Variants in VRK3 observed in about 807,000 individuals in gnomAD.
VRK3 encodes VRK serine/threonine kinase 3.
A neutral mutation model predicts 60.4 loss-of-function variants in VRK3; 50 were observed. That is an observed-to-expected ratio of 0.83 (90% CI 0.66 to 1.05). The LOEUF is 1.05. VRK3 is among the 50% of genes least tolerant of loss of function. The probability of loss-of-function intolerance (pLI) is 0.00; values close to 1 mark genes in which losing one functional copy is unlikely to be tolerated. For missense variants in VRK3, 549 were observed against 585.3 expected, an observed-to-expected ratio of 0.94 and a Z score of 0.64; for synonymous variants, 246 against 227.8, an observed-to-expected ratio of 1.08 and a Z score of -0.72.
At position 49,988,488 on chromosome 19, in the gene VRK3, G is replaced by T. The variant is rs556737676; in HGVS notation, c.1101C>A (p.Pro367=). Residue 367 remains proline, a synonymous_variant, in exon 12 of 15, where the codon CCC becomes CCA. Transcript: ENST00000316763. ...ISMDLHKGCG[P]SRRSDLQSLG... The stretch of plus-strand genomic sequence containing the variant: ...GGCTCTGGAGGTCGCTGCGGCGGGA[G>T]GGCCCTGGGGAAGGAGGAGTAAAGG... The T allele has an allele frequency of 6.2e-7, 1 of 1,612,750 alleles. No homozygotes were observed.
intron 12 of VRK3, chr19:49,981,886 C>A: frequency 5.3e-6 from 6 of 1,121,542 alleles, no homozygotes; most frequent in Non-Finnish European, 7.0e-6. Context: ...GAGATTTTAA[C>A]TGGTAGGTTC....
chr19:49,988,411 C>T lies in VRK3; in HGVS notation c.1178G>A (p.Cys393Tyr), dbSNP rs548570834. 2.5e-5 allele frequency: 40 copies of T among 1,613,538 alleles called. No individual in the cohort carries two copies. The South Asian group carries it at 4.2e-4, about 17-fold the overall frequency. ...WLYGFLPWTN[C>Y]LPNTEDIMKQ... ...CATGATGTCCTCAGTGTTGGGAAGG[C>T]AATTTGTCCATGGCAGAAACCCGTA... Residue 393 changes from cysteine to tyrosine, a missense_variant, in exon 12 of 15, where the codon TGC becomes TAC. Physicochemically the swap from Cys to Tyr is radical, Grantham distance 194. Coordinates refer to ENST00000316763, the MANE Select transcript of VRK3 (RefSeq NM_016440.4).
At chr19:50,020,135 G>A (rs2077149178) in intron 2 of VRK3, among the ~76,000 whole-genome samples, 1 of 151,788 alleles carries the variant, frequency 6.6e-6, no homozygotes, top group Non-Finnish European at 1.5e-5. Flanking sequence ...CTGCCTCCCA[G>A]GTTCAAGCAA....
At position 49,995,074 on chromosome 19, in the gene VRK3, G is replaced by A. The variant is rs887937206; in HGVS notation, c.764+117C>T. ...GGGCAGCAAACTAGGTCAAAACTAC[G>A]AGAAGGCAGGAAGCAAAGACCTGGC... On this transcript the variant is annotated intron_variant, in intron 8 of 14. Transcript: ENST00000316763. 9 of 1,302,220 alleles carry A rather than the reference G, an allele frequency of 6.9e-6. No homozygotes were observed. The African/African-American group carries it at 8.8e-5, about 13-fold the overall frequency. The allele number at this position is 1,302,220 out of a possible 1,614,324, so 80.7% of individuals were successfully genotyped here. A position where few individuals can be genotyped will look rare whatever the true frequency, so the allele number is the denominator to read the frequency against.
chr19:49,979,064 C>T lies in VRK3; in HGVS notation c.*11+19G>A, dbSNP rs747890406. 4 of 1,580,266 alleles carry T rather than the reference C, an allele frequency of 2.5e-6. No individual in the cohort carries two copies. Among genetic ancestry groups the T allele is most frequent in the Non-Finnish European group, 3.4e-6 (4 of 1,161,248 alleles). The stretch of plus-strand genomic sequence containing the variant: ...GAGGGCAAGGGGTGAGAGGCTTAAG[C>T]CTCACAAGCTCTTCCCACCTGGATT... On this transcript the variant is annotated intron_variant, in intron 14 of 14. Coordinates refer to ENST00000316763, the MANE Select transcript of VRK3 (RefSeq NM_016440.4).
chr19:50,023,701 T>TG (rs1224038800), intron 1 of VRK3, among the ~76,000 whole-genome samples: 1 of 151,290 alleles, frequency 6.6e-6, no homozygotes, highest in Non-Finnish European at 1.5e-5. Flanking sequence ...AATAAATCAT[T>TG]GTCTCCTTTG....
intron 5 of VRK3, among the ~76,000 whole-genome samples, chr19:50,002,102 A>T (rs957911076): frequency 6.6e-6 from 1 of 152,028 alleles, no homozygotes; most frequent in African/African-American, 2.4e-5. Flanking sequence ...GCTAATCCCA[A>T]AGCCCATGAG....
chr19:50,005,610 G>A (rs908183285), intron 5 of VRK3, among the ~76,000 whole-genome samples: 2 of 149,802 alleles, frequency 1.3e-5, no homozygotes, highest in African/African-American at 5.1e-5. Context: ...AGCCCAAAGC[G>A]GAAACTACCC....
chr19:49,998,028 G>A (rs1002608978), intron 6 of VRK3: 1 of 153,162 alleles, frequency 6.5e-6, no homozygotes, highest in African/African-American at 2.4e-5. Context: ...CGGCCCAGGA[G>A]ATGCAGGTTA....
intron 3 of VRK3, among the ~76,000 whole-genome samples, chr19:50,014,882 G>C (rs749159507): frequency 8.5e-5 from 13 of 152,202 alleles, no homozygotes; most frequent in Non-Finnish European, 1.2e-4. Flanking sequence ...CGACTACAGG[G>C]ACAAGAGAGG....
intron 1 of VRK3, among the ~76,000 whole-genome samples, chr19:50,023,240 C>CAATG (rs1421566407): frequency 6.6e-6 from 1 of 152,202 alleles, no homozygotes; most frequent in Non-Finnish European, 1.5e-5. Flanking sequence ...GGCTGGAGTG[C>CAATG]AATGGCACGA....
chr19:50,006,989 G>A (rs2076902721), intron 5 of VRK3, among the ~76,000 whole-genome samples: 1 of 152,054 alleles, frequency 6.6e-6, no homozygotes, highest in African/African-American at 2.4e-5. Context: ...GTTGGCCCCT[G>A]TGCAGAAACC....
chr19:49,981,950 T>C (rs2076430263), intron 12 of VRK3: 1 of 639,594 alleles, frequency 1.6e-6, no homozygotes, highest in East Asian at 2.9e-5. Flanking sequence ...AGGGGGTCAC[T>C]GTGGCATCCG....
At chr19:49,983,919 G>A (rs1448547617) in intron 12 of VRK3, among the ~76,000 whole-genome samples, 2 of 150,872 alleles carry the variant, frequency 1.3e-5, no homozygotes, top group Admixed American at 6.5e-5. Flanking sequence ...ACTCTCCAGA[G>A]AGCATTTTTG....
Position 50,004,225 on chromosome 19 carries a change from C to G in VRK3, c.547+3344G>C, listed in dbSNP as rs543948034. Among the ~76,000 whole-genome samples the G allele has an allele frequency of 6.0e-4, 91 of 152,240 alleles. 1 individual carries two copies. The highest frequency in any genetic ancestry group is 6.8e-3 in the Middle Eastern group (2 of 294). ...GGGGAGGTCAAGCGTGGTTTCTTCT[C>G]TCAGGAGCTCCTGGCTCTGTGTGTT... On this transcript the variant is annotated intron_variant, in intron 5 of 14. Transcript: ENST00000316763.
At chr19:50,021,711 G>C (rs117869562) in intron 1 of VRK3, among the ~76,000 whole-genome samples, 2,697 of 152,352 alleles carry the variant, frequency 0.018, 40 homozygotes, top group Middle Eastern at 0.034. Context: ...TTCTACACCA[G>C]TGAATTGTGG....
At chr19:49,983,255 T>C (rs958500692) in intron 12 of VRK3, among the ~76,000 whole-genome samples, 2 of 151,318 alleles carry the variant, frequency 1.3e-5, no homozygotes, top group African/African-American at 2.4e-5. Context: ...AGGCCACACA[T>C]CCACGCACGT....
At chr19:49,987,099 C>T (rs188105263) in intron 12 of VRK3, among the ~76,000 whole-genome samples, 2 of 152,352 alleles carry the variant, frequency 1.3e-5, no homozygotes, top group East Asian at 1.9e-4. Context: ...TGGTCTCGAA[C>T]TGCTGACCTC....
intron 7 of VRK3, among the ~76,000 whole-genome samples, chr19:49,995,618 G>A (rs1245381396): frequency 3.3e-5 from 5 of 152,150 alleles, no homozygotes; most frequent in Admixed American, 3.3e-4. Context: ...CCTAGCCATG[G>A]CATCACCGGA....
Sources: gnomAD v4.1 joint callset for allele counts (sites outside exome capture counted in the v4.1 genomes callset) on GRCh38, gnomAD v4.1.1 for gene constraint, MANE v1.5 for transcripts, NCBI Gene and HGNC (gene_info 2026-07-23, HGNC 2026-07-21) for gene names.